JAM2: variants seen among roughly 807,000 people sequenced by gnomAD.
JAM2 encodes junctional adhesion molecule 2, also known as junctional adhesion molecule B.
JAM2 carries 17 observed loss-of-function variants against 42.0 expected under a neutral mutation model. The observed-to-expected ratio is 0.40, with a 90% CI of 0.28 to 0.61. The LOEUF (loss-of-function observed/expected upper bound fraction) is 0.61. Ranked by LOEUF, JAM2 falls within the 20% of genes least tolerant of loss-of-function variation. JAM2 has a pLI of 0.37. For synonymous variants in JAM2, 118 were observed against 128.6 expected (o/e 0.92, Z 0.56); for missense variants, 319 against 358.3 (o/e 0.89, Z 0.89).
chr21:25,711,301 G>A, intron 8 of JAM2: 1 of 371,216 alleles, frequency 2.7e-6, no homozygotes, highest in Non-Finnish European at 5.3e-6. Context: ...TGAAATATGG[G>A]TGAGCTCCCC....
chr21:25,662,421 A>G (rs2033113386), intron 1 of JAM2, among the ~76,000 whole-genome samples: 1 of 42,550 alleles, frequency 2.4e-5, no homozygotes, highest in Admixed American at 3.4e-4. Context: ...GAGTGCTAGG[A>G]TTACAGGCGT....
chr21:25,662,662 A>G (rs1434309584), intron 1 of JAM2, among the ~76,000 whole-genome samples: 1 of 152,150 alleles, frequency 6.6e-6, no homozygotes, highest in Non-Finnish European at 1.5e-5. Context: ...TTGGTCTCAT[A>G]GCCTAAGTAT....
rs532349932 is a variant in JAM2 at position 25,644,591 on chromosome 21, T to A, written c.67+4703T>A. Reference sequence around the variant, plus strand: ...TACCTGAGTAACTCTGGATAATTTATCCATTTCAAAGTCAGCTGGTTAGCA... The same window carrying A: ...TACCTGAGTAACTCTGGATAATTTAACCATTTCAAAGTCAGCTGGTTAGCA... On this transcript the variant is annotated intron_variant, in intron 1 of 9. Coordinates refer to ENST00000480456, the MANE Select transcript of JAM2 (RefSeq NM_021219.4). Among the ~76,000 whole-genome samples the A allele has an allele frequency of 5.3e-5, 8 of 152,334 alleles. No homozygotes were observed. The East Asian group carries it at 1.2e-3, about 22-fold the overall frequency.
intron 1 of JAM2, among the ~76,000 whole-genome samples, chr21:25,655,350 A>ATTTTTTTTTTTTT (rs751257378): frequency 8.0e-5 from 8 of 100,194 alleles, no homozygotes; most frequent in African/African-American, 1.5e-4. Context: ...CTGAAATTCT[A>ATTTTTTTTTTTTT]TTTTTTTTTT....
At chr21:25,666,315 T>TTTATCATTATTATTATTA (rs2033219827) in intron 1 of JAM2, among the ~76,000 whole-genome samples, 1 of 146,562 alleles carries the variant, frequency 6.8e-6, no homozygotes, top group African/African-American at 2.6e-5. Flanking sequence ...TGTTACGGCT[T>TTTATCATTATTATTATTA]TTATTATTAT....
intron 5 of JAM2, among the ~76,000 whole-genome samples, chr21:25,699,444 CG>C (rs952732478): frequency 6.6e-6 from 1 of 152,044 alleles, no homozygotes; most frequent in African/African-American, 2.4e-5. Context: ...ATTGCGCGGC[CG>C]GGCGCAGTGG....
At chr21:25,710,835 A>G (rs1385356832) in intron 8 of JAM2, among the ~76,000 whole-genome samples, 2 of 152,178 alleles carry the variant, frequency 1.3e-5, no homozygotes, top group Non-Finnish European at 1.5e-5. Flanking sequence ...TAATTTTTCA[A>G]AACTCACACT....
intron 1 of JAM2, among the ~76,000 whole-genome samples, chr21:25,669,874 ATACT>A (rs2033315995): frequency 6.6e-6 from 1 of 152,236 alleles, no homozygotes; most frequent in African/African-American, 2.4e-5. Flanking sequence ...ATTTTAGATG[ATACT>A]TACTCAAAAA....
At chr21:25,667,846 G>A (rs1229657057) in intron 1 of JAM2, among the ~76,000 whole-genome samples, 2 of 152,014 alleles carry the variant, frequency 1.3e-5, no homozygotes, top group Admixed American at 6.6e-5. Context: ...CATATATAAT[G>A]CATTAGAAGA....
chr21:25,698,679 G>A lies in JAM2; in HGVS notation c.397G>A (p.Ala133Thr), dbSNP rs1385034812. The change falls in exon 5 of 10, where the codon GCT becomes ACT. Residue 133 changes from alanine to threonine, a missense_variant and splice_region_variant. Coordinates refer to ENST00000480456, the MANE Select transcript of JAM2 (RefSeq NM_021219.4). The part of the protein sequence containing the change: ...EDTVTLEVLV[A>T]PAVPSCEVPS... Reference sequence around the variant, plus strand: ...ATCATTTGACTTCCATTGTTCAGTGGCTCCAGCAGTTCCATCATGTGAAGT... The same window carrying A: ...ATCATTTGACTTCCATTGTTCAGTGACTCCAGCAGTTCCATCATGTGAAGT... 1.2e-6 allele frequency: 2 copies of A among 1,612,986 alleles called. No individual in the cohort carries two copies. Among genetic ancestry groups the A allele is most frequent in the South Asian group, 1.1e-5 (1 of 90,962 alleles).
intron 1 of JAM2, among the ~76,000 whole-genome samples, chr21:25,642,509 TATC>T (rs1009557697): frequency 2.0e-5 from 3 of 152,226 alleles, no homozygotes; most frequent in African/African-American, 7.2e-5. Context: ...TCATTTATAA[TATC>T]ATGCTTACTC....
At chr21:25,668,156 G>A (rs1414497410) in intron 1 of JAM2, among the ~76,000 whole-genome samples, 1 of 152,146 alleles carries the variant, frequency 6.6e-6, no homozygotes, top group African/African-American at 2.4e-5. Context: ...GGAGGGAAGA[G>A]TCAAGAAAAG....
intron 1 of JAM2, among the ~76,000 whole-genome samples, chr21:25,666,315 T>TTCA (rs2033219494): frequency 6.8e-6 from 1 of 146,562 alleles, no homozygotes; most frequent in East Asian, 2.0e-4. Flanking sequence ...TGTTACGGCT[T>TTCA]TTATTATTAT....
Position 25,714,749 on chromosome 21 carries a change from C to G in JAM2, c.*77C>G, listed in dbSNP as rs1021018598. The G allele has an allele frequency of 6.2e-6, 6 of 968,604 alleles. No homozygotes were observed. Among genetic ancestry groups the G allele is most frequent in the Non-Finnish European group, 8.9e-6 (6 of 670,628 alleles). The allele number at this position is 968,604 out of a possible 1,614,324, so 60.0% of individuals were successfully genotyped here. On this transcript the variant is annotated 3_prime_UTR_variant, in exon 10 of 10. Coordinates refer to ENST00000480456, the MANE Select transcript of JAM2 (RefSeq NM_021219.4). Reference sequence around the variant, plus strand: ...AACTATTATAAAACTCTGCTTTGTCCGACATTTGCAAAGAGGTACACGAGG... The same window carrying G: ...AACTATTATAAAACTCTGCTTTGTCGGACATTTGCAAAGAGGTACACGAGG...
chr21:25,644,881 T>C (rs2032560189), intron 1 of JAM2, among the ~76,000 whole-genome samples: 1 of 151,858 alleles, frequency 6.6e-6, no homozygotes. Flanking sequence ...TTTGTTTGTT[T>C]GTTTGTTTGT....
At chr21:25,688,243 G>GGTGTGTGTGTGT (rs147927864) in intron 2 of JAM2, among the ~76,000 whole-genome samples, 226 of 149,812 alleles carry the variant, frequency 1.5e-3, no homozygotes, top group Middle Eastern at 3.4e-3. Flanking sequence ...CACCAGGAGG[G>GGTGTGTGTGTGT]GTGTGTGTGT....
At chr21:25,696,973 CTCCCATCTCAGCT>C (rs1382129321) in intron 4 of JAM2, among the ~76,000 whole-genome samples, 2 of 151,602 alleles carry the variant, frequency 1.3e-5, no homozygotes, top group Non-Finnish European at 2.9e-5. Flanking sequence ...CCATCTCAGC[CTCCCATCTCAGCT>C]GAGACAACAG....
intron 1 of JAM2, among the ~76,000 whole-genome samples, chr21:25,657,182 T>A (rs1403880937): frequency 6.6e-6 from 1 of 152,192 alleles, no homozygotes; most frequent in African/African-American, 2.4e-5. Context: ...TGTGCTAATT[T>A]ATTTATTTTT....
At position 25,702,187 on chromosome 21, in the gene JAM2, C is replaced by T. The variant is rs774893828; in HGVS notation, c.615C>T (p.Ser205=). 6.3e-7 allele frequency: 1 copy of T among 1,574,870 alleles called. No individual in the cohort carries two copies. Among genetic ancestry groups the T allele is most frequent in the South Asian group, 1.2e-5 (1 of 86,650 alleles). The stretch of plus-strand genomic sequence containing the variant: ...ACAAATAGCAATTTAATACTGTTTC[C>T]AAACTGGACACTGGAGAATATTCCT... The part of the protein sequence containing the change: ...KTGTLQFNTV[S]KLDTGEYSCE... Residue 205 remains serine, a synonymous_variant, in exon 6 of 10, where the codon TCC becomes TCT. Transcript: ENST00000480456.
Sources: allele counts gnomAD v4.1 joint callset (sites outside exome capture counted in the v4.1 genomes callset), GRCh38; gene constraint gnomAD v4.1.1; transcripts MANE v1.5; gene names NCBI Gene and HGNC (gene_info 2026-07-23, HGNC 2026-07-21).